The following TIPRL variants were observed in gnomAD, a reference collection of about 807,000 sequenced individuals.
TIPRL encodes the protein TOR signaling pathway regulator, also known as TIP41-like protein.
In TIPRL, 10 loss-of-function variants were observed where a neutral mutation model predicts 32.3. The observed-to-expected ratio is 0.31, with a 90% CI of 0.19 to 0.52. The LOEUF (loss-of-function observed/expected upper bound fraction) is 0.52, where lower values mean the gene tolerates loss of function less well. Among genes scored for constraint, TIPRL ranks in the 20% least tolerant of loss-of-function variants. The pLI is 0.96. For synonymous variants in TIPRL, 100 were observed against 114.0 expected, an observed-to-expected ratio of 0.88 and a Z score of 0.78; for missense variants, 250 against 328.1, an observed-to-expected ratio of 0.76 and a Z score of 1.84.
intron 3 of TIPRL, among the ~76,000 whole-genome samples, chr1:168,185,552 C>A (rs534665577): frequency 6.6e-6 from 1 of 151,150 alleles, no homozygotes; most frequent in African/African-American, 2.4e-5. Flanking sequence ...GCAGGCAGAT[C>A]ACGAGGTCAG....
Position 168,191,366 on chromosome 1 carries a change from C to T in TIPRL, c.385-3C>T, listed in dbSNP as rs1314106656. The T allele has an allele frequency of 5.3e-6, 8 of 1,516,272 alleles. No homozygotes were observed. Among genetic ancestry groups the T allele is most frequent in the Non-Finnish European group, 1.7e-6 (2 of 1,145,292 alleles). The allele number at this position is 1,516,272 out of a possible 1,614,324, so 93.9% of individuals were successfully genotyped here. A position where few individuals can be genotyped will look rare whatever the true frequency, so the allele number is the denominator to read the frequency against. On this transcript the variant is annotated splice_polypyrimidine_tract_variant and splice_region_variant and intron_variant, in intron 3 of 6. Coordinates refer to ENST00000367833, the MANE Select transcript of TIPRL (RefSeq NM_152902.5). ...TGCTCCTCTTTAAAATTTTTTCTTT[C>T]AGGTTGTACCTACAACAGATCATAT...
chr1:168,184,409 T>C (rs1239052014), intron 2 of TIPRL, among the ~76,000 whole-genome samples: 3 of 152,226 alleles, frequency 2.0e-5, no homozygotes, highest in Admixed American at 1.3e-4. Context: ...ACTTATGATA[T>C]GCTTAATAAA....
chr1:168,179,742 G>A (rs1159870324), intron 1 of TIPRL, among the ~76,000 whole-genome samples: 1 of 152,138 alleles, frequency 6.6e-6, no homozygotes, highest in Non-Finnish European at 1.5e-5. Context: ...TGCCTGAACT[G>A]AATCTTTATA....
intron 3 of TIPRL, among the ~76,000 whole-genome samples, chr1:168,189,344 A>G (rs1700064906): frequency 6.6e-6 from 1 of 151,986 alleles, no homozygotes; most frequent in South Asian, 2.1e-4. Context: ...ATACTGTTCC[A>G]TATGTTTTTT....
At chr1:168,192,842 T>C (rs979679549) in intron 4 of TIPRL, among the ~76,000 whole-genome samples, 26 of 149,286 alleles carry the variant, frequency 1.7e-4, no homozygotes, top group East Asian at 5.8e-4. Context: ...GCCGAGATCG[T>C]GCCACTGCAC....
intron 1 of TIPRL, among the ~76,000 whole-genome samples, chr1:168,181,259 CTGGAGTGCAA>C (rs1699958772): frequency 6.6e-6 from 1 of 151,704 alleles, no homozygotes; most frequent in South Asian, 2.1e-4. Context: ...GTTGCCCAGG[CTGGAGTGCAA>C]TGGCGCCATC....
At chr1:168,198,832 TA>T in intron 5 of TIPRL, 86 bp from the exon 6 acceptor site, 1 of 1,201,346 alleles carries the variant, frequency 8.3e-7, no homozygotes, top group Non-Finnish European at 1.2e-6. Flanking sequence ...CAACCTATCC[TA>T]AAATGTAGGC....
At chr1:168,195,344 T>C (rs1336953366) in intron 4 of TIPRL, among the ~76,000 whole-genome samples, 1 of 152,226 alleles carries the variant, frequency 6.6e-6, no homozygotes, top group Non-Finnish European at 1.5e-5. Context: ...CCTTGTCTTA[T>C]CTGATGTTCT....
Position 168,196,635 on chromosome 1 carries a change from AC to A in TIPRL, c.607del (p.His203MetfsTer22). The A allele has an allele frequency of 6.3e-7, 1 of 1,593,628 alleles. No homozygotes were observed. Among genetic ancestry groups the A allele is most frequent in the South Asian group, 1.2e-5 (1 of 86,842 alleles). On this transcript the variant is annotated frameshift_variant, in exon 5 of 7. Transcript: ENST00000367833. LOFTEE classifies it high-confidence loss of function. ...ATCAGAATGAATGACACGAGACTTT[AC>A]CATGAGGTATTTATTGTTGTTTAAT... Reference protein sequence around the residue: ...VLIRMNDTRLYHEADKTYMLR... With the variant: ...VLIRMNDTRLXHEADKTYMLR...
In TIPRL at chr1:168,200,570, A is replaced by G. The variant is rs989070999; in HGVS notation, c.*524A>G. ...TGAACTTCAACCCCAAAATTTTAAA[A>G]ATGTATTTCCCCCCAGTTTTAAATT... On this transcript the variant is annotated 3_prime_UTR_variant, in exon 7 of 7. Transcript: ENST00000367833. 6.6e-6 allele frequency: 1 copy of G among 151,158 alleles called. No homozygotes were observed. The highest frequency in any genetic ancestry group is 2.4e-5 in the African/African-American group (1 of 40,888). The allele number at this position is 151,158 out of a possible 1,614,324, so 9.4% of individuals were successfully genotyped here.
At chr1:168,180,753 C>T (rs919862923) in intron 1 of TIPRL, among the ~76,000 whole-genome samples, 9 of 150,538 alleles carry the variant, frequency 6.0e-5, no homozygotes, top group Middle Eastern at 3.2e-3. Flanking sequence ...CCCTTCATCC[C>T]ACCAGAAATT....
chr1:168,198,964 A>C lies in TIPRL; in HGVS notation c.658A>C (p.Lys220Gln). The C allele has an allele frequency of 6.2e-7, 1 of 1,611,950 alleles. No homozygotes were observed. The highest frequency in any genetic ancestry group is 1.1e-5 in the South Asian group (1 of 90,800). ...MLREYTSRES[K>Q]ISSLMHVPPS... ...ACGAGAATATACGTCACGAGAAAGC[A>C]AAATTTCTAGTTTGATGGCAAGTAC... is the stretch of plus-strand genomic sequence containing the variant. Residue 220 changes from lysine to glutamine, a missense_variant, in exon 6 of 7, where the codon AAA (lysine) becomes CAA (glutamine). By Grantham distance (53) the Lys-to-Gln change is moderately conservative. Coordinates refer to ENST00000367833, the MANE Select transcript of TIPRL (RefSeq NM_152902.5).
intron 4 of TIPRL, among the ~76,000 whole-genome samples, chr1:168,191,858 C>CAAAAAAAAA (rs60988834): frequency 9.8e-4 from 38 of 38,840 alleles, no homozygotes; most frequent in African/African-American, 1.7e-3. Flanking sequence ...GGCGACAGAG[C>CAAAAAAAAA]AAAAAAAAAA....
At chr1:168,187,163 G>T (rs1181109309) in intron 3 of TIPRL, among the ~76,000 whole-genome samples, 2 of 152,166 alleles carry the variant, frequency 1.3e-5, no homozygotes, top group Non-Finnish European at 2.9e-5. Flanking sequence ...GGAGAGCAAG[G>T]TTATTTTAGT....
In TIPRL at chr1:168,201,759, C is replaced by T. The variant is rs1700209571; in HGVS notation, c.*1713C>T. ...TAAGACTCTTCATTAATTGGAGCTT[C>T]TGGGCAACATCGTGTGTGTGTGTGT... On this transcript the variant is annotated 3_prime_UTR_variant, in exon 7 of 7. Coordinates refer to ENST00000367833, the MANE Select transcript of TIPRL (RefSeq NM_152902.5). 1 of 145,474 alleles carries T rather than the reference C, an allele frequency of 6.9e-6. No homozygotes were observed. Among genetic ancestry groups the T allele is most frequent in the Admixed American group, 7.2e-5 (1 of 13,906 alleles). 9.0% of individuals were successfully genotyped at this position (145,474 alleles called of 1,614,324 possible). A position where few individuals can be genotyped will look rare whatever the true frequency, so the allele number is the denominator to read the frequency against.
At chr1:168,196,184 T>G (rs1050570845) in intron 4 of TIPRL, among the ~76,000 whole-genome samples, 5 of 152,218 alleles carry the variant, frequency 3.3e-5, no homozygotes, top group South Asian at 2.1e-4. Flanking sequence ...AGAACTAGGT[T>G]GTTCTTTCAT....
At chr1:168,196,883 G>C (rs1260732311) in intron 5 of TIPRL, among the ~76,000 whole-genome samples, 1 of 152,094 alleles carries the variant, frequency 6.6e-6, no homozygotes, top group Non-Finnish European at 1.5e-5. Context: ...ATTGGGGAGG[G>C]GTCTTTTGAG....
intron 4 of TIPRL, among the ~76,000 whole-genome samples, 169 bp downstream of exon 4, chr1:168,191,669 G>A (rs547961582): frequency 2.0e-5 from 3 of 152,020 alleles, no homozygotes; most frequent in East Asian, 3.9e-4. Context: ...TCAGGAGACC[G>A]AGACCATCCT....
intron 4 of TIPRL, among the ~76,000 whole-genome samples, chr1:168,191,858 C>CCAAAA (rs1558164787): frequency 2.6e-5 from 1 of 38,902 alleles, no homozygotes; most frequent in African/African-American, 8.1e-5. Flanking sequence ...GGCGACAGAG[C>CCAAAA]AAAAAAAAAA....
Sources: allele counts gnomAD v4.1 joint callset (sites outside exome capture counted in the v4.1 genomes callset), GRCh38; gene constraint gnomAD v4.1.1; transcripts MANE v1.5; gene names NCBI Gene and HGNC (gene_info 2026-07-23, HGNC 2026-07-21).